ABCC1: variants seen among roughly 807,000 people sequenced by gnomAD.
The protein encoded by ABCC1 is multidrug resistance-associated protein 1.
ABCC1 carries 83 observed loss-of-function variants against 172.9 expected under a neutral mutation model. That is an observed-to-expected ratio of 0.48 (90% CI 0.40 to 0.58). The LOEUF is 0.58. Ranked by LOEUF, ABCC1 falls within the 20% of genes least tolerant of loss-of-function variation. The pLI is 0.00. For synonymous variants in ABCC1, 937 were observed against 825.2 expected (o/e 1.14, Z -2.32); for missense variants, 1,817 against 2,002.7 (o/e 0.91, Z 1.77).
At position 16,056,245 on chromosome 16, in the gene ABCC1, G is replaced by A; in HGVS notation, c.1627G>A (p.Ala543Thr). The A allele has an allele frequency of 6.2e-7, 1 of 1,614,258 alleles. No homozygotes were observed. Among genetic ancestry groups the A allele is most frequent in the Non-Finnish European group, 8.5e-7 (1 of 1,180,052 alleles). The change falls in exon 12 of 31, where the codon GCC becomes ACC. Residue 543 changes from alanine to threonine, a missense_variant. Physicochemically the swap from Ala to Thr is moderately conservative, Grantham distance 58. Transcript: ENST00000399410. The part of the protein sequence containing the change: ...QEELKVLKKS[A>T]YLSAVGTFTW... ...GGAGCTGAAGGTGCTGAAGAAGTCT[G>A]CCTACCTGTCAGCCGTGGGCACCTT...
intron 12 of ABCC1, among the ~76,000 whole-genome samples, chr16:16,065,975 G>GT (rs2050100099): frequency 7.5e-6 from 1 of 133,128 alleles, no homozygotes; most frequent in African/African-American, 3.0e-5. Context: ...GTCACCCAGT[G>GT]GGTTTTTTGT....
intron 5 of ABCC1, among the ~76,000 whole-genome samples, chr16:16,029,619 G>A (rs1272735820): frequency 2.0e-5 from 3 of 152,070 alleles, no homozygotes; most frequent in Admixed American, 6.5e-5. Context: ...TTTTTATTTC[G>A]CAATAGTTTG....
intron 8 of ABCC1, among the ~76,000 whole-genome samples, chr16:16,044,994 A>G (rs2049142928): frequency 6.6e-6 from 1 of 152,154 alleles, no homozygotes; most frequent in Non-Finnish European, 1.5e-5. Flanking sequence ...AGTGAAGACC[A>G]CATCGTTTGC....
At chr16:16,020,803 A>G (rs141256485) in intron 5 of ABCC1, among the ~76,000 whole-genome samples, 1 of 152,268 alleles carries the variant, frequency 6.6e-6, no homozygotes, top group African/African-American at 2.4e-5. Context: ...TAAGTTCTTT[A>G]TATGCATGTC....
At chr16:16,124,568 G>C (rs1455557423) in intron 24 of ABCC1, among the ~76,000 whole-genome samples, 1 of 152,206 alleles carries the variant, frequency 6.6e-6, no homozygotes, top group Non-Finnish European at 1.5e-5. Context: ...CCATGGGTTT[G>C]CCAGATTAAT....
At chr16:16,051,097 C>T (rs2049410922) in intron 10 of ABCC1, among the ~76,000 whole-genome samples, 1 of 151,720 alleles carries the variant, frequency 6.6e-6, no homozygotes, top group African/African-American at 2.4e-5. Context: ...TGCTTGAGCT[C>T]AGCACTGTTG....
chr16:16,138,423 T>A lies in ABCC1; in HGVS notation c.4352T>A (p.Leu1451His). 6.2e-7 allele frequency: 1 copy of A among 1,612,032 alleles called. No individual in the cohort carries two copies. The highest frequency in any genetic ancestry group is 8.5e-7 in the Non-Finnish European group (1 of 1,178,346). ...ARALLRKTKILVLDEATAAVD... is the reference protein window; with the variant it reads ...ARALLRKTKIHVLDEATAAVD... Reference sequence around the variant, plus strand: ...GCCCTGCTGAGGAAGACGAAGATCCTTGTGTTGGATGAGGCCACGGCAGCC... The same window carrying A: ...GCCCTGCTGAGGAAGACGAAGATCCATGTGTTGGATGAGGCCACGGCAGCC... Residue 1451 changes from leucine to histidine, a missense_variant, in exon 30 of 31, where the codon CTT becomes CAT. By Grantham distance (99) the Leu-to-His change is moderately conservative. This residue lies in a region of ABCC1 where 1,412 missense variants were observed against 1,600.3 expected (regional missense o/e 0.88). Coordinates refer to ENST00000399410, the MANE Select transcript of ABCC1 (RefSeq NM_004996.4).
intron 26 of ABCC1, among the ~76,000 whole-genome samples, 178 bp downstream of exon 26, chr16:16,126,089 G>A (rs1003036887): frequency 6.6e-6 from 1 of 152,214 alleles, no homozygotes; most frequent in African/African-American, 2.4e-5. Flanking sequence ...GTTTTAGGGT[G>A]AAAATAGTTT....
chr16:16,104,971 A>C (rs573007752), intron 20 of ABCC1, among the ~76,000 whole-genome samples: 4 of 151,670 alleles, frequency 2.6e-5, no homozygotes, highest in South Asian at 2.1e-4. Context: ...CTGGCCCGCA[A>C]GCGCCCTGTG....
intron 26 of ABCC1, 107 bp from the exon 27 acceptor site, chr16:16,131,682 G>A (rs2045678191): frequency 7.4e-7 from 1 of 1,349,574 alleles, no homozygotes; most frequent in African/African-American, 1.5e-5. Flanking sequence ...CTGAGGCCTG[G>A]GAGGCCACCT....
At chr16:16,114,217 G>T (rs1357177478) in intron 22 of ABCC1, among the ~76,000 whole-genome samples, 3 of 152,214 alleles carry the variant, frequency 2.0e-5, no homozygotes, top group Non-Finnish European at 4.4e-5. Context: ...TCTGTAAGTT[G>T]GGTAGTAATA....
At chr16:16,069,006 A>G (rs1392141046) in intron 13 of ABCC1, among the ~76,000 whole-genome samples, 1 of 148,678 alleles carries the variant, frequency 6.7e-6, no homozygotes, top group East Asian at 2.0e-4. Flanking sequence ...AAAAAAAAAA[A>G]AGAAAAACCC....
At chr16:16,102,818 A>G in intron 20 of ABCC1, 101 bp downstream of exon 20, 1 of 1,140,560 alleles carries the variant, frequency 8.8e-7, no homozygotes, top group Admixed American at 2.5e-5. Flanking sequence ...AGGTCCTGGA[A>G]GGCCTGGGCT....
chr16:16,142,519 G>T lies in ABCC1; in HGVS notation c.*1238G>T, dbSNP rs750091257. 1 of 152,164 alleles carries T rather than the reference G, an allele frequency of 6.6e-6. No individual in the cohort carries two copies. The highest frequency in any genetic ancestry group is 1.5e-5 in the Non-Finnish European group (1 of 68,040). 9.4% of individuals were successfully genotyped at this position (152,164 alleles called of 1,614,324 possible). On this transcript the variant is annotated 3_prime_UTR_variant, in exon 31 of 31. Coordinates refer to ENST00000399410, the MANE Select transcript of ABCC1 (RefSeq NM_004996.4). ...CTTGGCATCCGGTTAGCCCCCCAGG[G>T]GGGGCAGCATTGTGGAGAACTTGAT...
At chr16:16,066,441 G>A (rs1465644133) in intron 12 of ABCC1, among the ~76,000 whole-genome samples, 3 of 151,484 alleles carry the variant, frequency 2.0e-5, no homozygotes, top group Non-Finnish European at 4.4e-5. Context: ...TCAGCCTCCC[G>A]AAGTGCTGGG....
chr16:16,056,352 G>C, intron 12 of ABCC1, 57 bp downstream of exon 12: 1 of 1,577,342 alleles, frequency 6.3e-7, no homozygotes, highest in Non-Finnish European at 8.7e-7. Flanking sequence ...TTTTCTCTGC[G>C]TACCTGAATA....
chr16:16,097,970 CAATT>C (rs1258053738), intron 19 of ABCC1: 7 of 152,394 alleles, frequency 4.6e-5, no homozygotes, highest in African/African-American at 1.7e-4. Context: ...AAACGCCAAA[CAATT>C]AAGGGTATCA....
At chr16:16,112,674 G>A (rs1190047640) in intron 22 of ABCC1, among the ~76,000 whole-genome samples, 1 of 152,222 alleles carries the variant, frequency 6.6e-6, no homozygotes, top group African/African-American at 2.4e-5. Flanking sequence ...GTCTGGCTCA[G>A]GAGCTCACGC....
intron 19 of ABCC1, among the ~76,000 whole-genome samples, 198 bp from the exon 20 acceptor site, chr16:16,102,429 A>T (rs1430891110): frequency 1.3e-5 from 2 of 152,140 alleles, no homozygotes; most frequent in Non-Finnish European, 2.9e-5. Flanking sequence ...ACCCCAAGGG[A>T]CTGAGCTCCA....
Sources: gnomAD v4.1 joint callset for allele counts (sites outside exome capture counted in the v4.1 genomes callset) on GRCh38, gnomAD v4.1.1 for gene constraint, gnomAD v4.1.1 regional missense constraint, MANE v1.5 for transcripts, NCBI Gene and HGNC (gene_info 2026-07-23, HGNC 2026-07-21) for gene names.